Variants in UNC79 observed in about 807,000 individuals in gnomAD.
UNC79 encodes the protein protein unc-79 homolog.
Under a neutral mutation model 283.1 loss-of-function variants are expected in UNC79, and 37 were observed. The ratio of observed to expected loss-of-function variants is 0.13; its 90% CI spans 0.10 to 0.17. The LOEUF (loss-of-function observed/expected upper bound fraction) is 0.17. UNC79 is among the 10% of genes least tolerant of loss of function. UNC79 has a pLI of 1.00. For synonymous variants in UNC79, 1,107 were observed against 1,200.2 expected (o/e 0.92, Z 1.61); for missense variants, 2,272 against 3,211.1 (o/e 0.71, Z 7.07).
intron 1 of UNC79, among the ~76,000 whole-genome samples, chr14:93,420,165 A>G (rs1595454150): frequency 1.3e-5 from 2 of 150,044 alleles, no homozygotes; most frequent in South Asian, 4.4e-4. Flanking sequence ...AAGACATGGA[A>G]TGGCTGAACA....
At chr14:93,439,196 A>T (rs1385225490) in intron 1 of UNC79, among the ~76,000 whole-genome samples, 2 of 152,032 alleles carry the variant, frequency 1.3e-5, no homozygotes, top group Non-Finnish European at 2.9e-5. Flanking sequence ...TTATGCCTCT[A>T]ATTGCTTTCT....
chr14:93,431,525 TC>T (rs2055878647), intron 1 of UNC79, among the ~76,000 whole-genome samples: 1 of 151,506 alleles, frequency 6.6e-6, no homozygotes, highest in Admixed American at 6.6e-5. Context: ...AGTTTCCACT[TC>T]GGGTGGAAGA....
rs1232077449 is a variant in UNC79 at position 93,621,349 on chromosome 14, C to G, written c.4388-272C>G. On this transcript the variant is annotated intron_variant, in intron 29 of 48. Transcript: ENST00000555664. The surrounding 1 kb of genome is among the most constrained non-coding windows in gnomAD (Gnocchi z 4.8). The stretch of plus-strand genomic sequence containing the variant: ...CTCAGCCAAAAAATGATCCCCTCTC[C>G]TATGCACAAATGAACAGAGCTGAGG... Among the ~76,000 whole-genome samples, 2 of 152,186 alleles carry G rather than the reference C, an allele frequency of 1.3e-5. No homozygotes were observed. Among genetic ancestry groups the G allele is most frequent in the Non-Finnish European group, 2.9e-5 (2 of 68,032 alleles).
intron 11 of UNC79, among the ~76,000 whole-genome samples, chr14:93,534,933 T>G (rs2141104023): frequency 6.6e-6 from 1 of 152,344 alleles, no homozygotes; most frequent in Non-Finnish European, 1.5e-5. Flanking sequence ...TCCATTAAGT[T>G]CATAACAGTT....
chr14:93,623,668 G>A (rs1209625667), intron 30 of UNC79, among the ~76,000 whole-genome samples: 2 of 152,212 alleles, frequency 1.3e-5, no homozygotes, highest in Non-Finnish European at 2.9e-5. Context: ...GCTGAGGCGG[G>A]CAGATCATGA....
At chr14:93,482,631 T>C (rs1413533379) in intron 4 of UNC79, among the ~76,000 whole-genome samples, 4 of 152,200 alleles carry the variant, frequency 2.6e-5, no homozygotes, top group Non-Finnish European at 5.9e-5. Context: ...ATGTGTTTCT[T>C]CCTGCCAGGT....
At chr14:93,367,005 T>A (rs369333166) in intron 1 of UNC79, among the ~76,000 whole-genome samples, 2 of 152,210 alleles carry the variant, frequency 1.3e-5, no homozygotes, top group African/African-American at 2.4e-5. Flanking sequence ...CCTGAGCCTC[T>A]TGTTTCACAG....
intron 3 of UNC79, among the ~76,000 whole-genome samples, chr14:93,475,525 G>T (rs561804690): frequency 2.0e-5 from 3 of 152,304 alleles, no homozygotes; most frequent in African/African-American, 7.2e-5. Flanking sequence ...ATAGAAATTC[G>T]TAAAGTTGCT....
chr14:93,542,403 AC>A (rs2061421643), intron 13 of UNC79, 62 bp from the exon 14 acceptor site: 1 of 1,491,758 alleles, frequency 6.7e-7, no homozygotes, highest in Non-Finnish European at 9.1e-7. Flanking sequence ...CTCTTAATGC[AC>A]CTATAATAAT....
At chr14:93,552,111 C>T (rs1404015131) in intron 14 of UNC79, among the ~76,000 whole-genome samples, 1 of 152,152 alleles carries the variant, frequency 6.6e-6, no homozygotes, top group Non-Finnish European at 1.5e-5. Context: ...AAATAGCACC[C>T]AGTGATAATT....
At chr14:93,446,870 G>A (rs2056476155) in intron 1 of UNC79, among the ~76,000 whole-genome samples, 1 of 152,164 alleles carries the variant, frequency 6.6e-6, no homozygotes, top group African/African-American at 2.4e-5. Context: ...AACATTCTAT[G>A]TGCCAATTGA....
intron 40 of UNC79, among the ~76,000 whole-genome samples, chr14:93,670,658 G>T (rs957539798): frequency 1.3e-5 from 2 of 152,162 alleles, no homozygotes; most frequent in African/African-American, 2.4e-5. Flanking sequence ...TCATTATGTA[G>T]ACATGGTCAA....
At chr14:93,398,347 G>C (rs2055039612) in intron 1 of UNC79, among the ~76,000 whole-genome samples, 1 of 152,182 alleles carries the variant, frequency 6.6e-6, no homozygotes, top group Admixed American at 6.5e-5. Context: ...ATTCAGGATA[G>C]AGAAGAGGCA....
chr14:93,660,465 G>A (rs1031154641), intron 39 of UNC79, among the ~76,000 whole-genome samples: 1 of 140,764 alleles, frequency 7.1e-6, no homozygotes, highest in East Asian at 2.2e-4. Context: ...TACATTATGT[G>A]CAACATGAGA....
intron 1 of UNC79, among the ~76,000 whole-genome samples, chr14:93,447,136 C>T (rs753797644): frequency 6.6e-6 from 1 of 151,776 alleles, no homozygotes; most frequent in Non-Finnish European, 1.5e-5. Flanking sequence ...CTTTTTTATC[C>T]TTGTTAATAT....
At chr14:93,540,571 AGTACTCGTGAG>A in intron 12 of UNC79, 78 bp from the exon 13 acceptor site, 2 of 1,430,796 alleles carry the variant, frequency 1.4e-6, no homozygotes, top group South Asian at 2.7e-5. Flanking sequence ...AGGATGCTTG[AGTACTCGTGAG>A]GTACTTCCTC....
At chr14:93,615,420 T>C (rs1346136283) in intron 27 of UNC79, among the ~76,000 whole-genome samples, 4 of 152,136 alleles carry the variant, frequency 2.6e-5, no homozygotes, top group African/African-American at 9.6e-5. Flanking sequence ...ATGTCTACTT[T>C]AGAAATATAA....
intron 1 of UNC79, among the ~76,000 whole-genome samples, chr14:93,361,643 G>A (rs1193944226): frequency 6.6e-6 from 1 of 152,146 alleles, no homozygotes; most frequent in African/African-American, 2.4e-5. Context: ...TACAAAGAGA[G>A]ATAGCTTGAC....
intron 1 of UNC79, among the ~76,000 whole-genome samples, chr14:93,371,029 G>A (rs927931538): frequency 3.3e-5 from 5 of 152,146 alleles, no homozygotes; most frequent in Admixed American, 3.3e-4. Flanking sequence ...GAAGCTCAGA[G>A]ACACAAAGCA....
Sources: gnomAD v4.1 joint callset for allele counts (sites outside exome capture counted in the v4.1 genomes callset) on GRCh38, gnomAD v4.1.1 for gene constraint, Gnocchi (gnomAD v3.1) non-coding constraint, MANE v1.5 for transcripts, NCBI Gene and HGNC (gene_info 2026-07-23, HGNC 2026-07-21) for gene names.